Variants in ATXN7L1 observed in about 807,000 individuals in gnomAD.
The protein encoded by ATXN7L1 is ataxin 7 like 1.
In ATXN7L1, 15 loss-of-function variants were observed where a neutral mutation model predicts 70.8. The observed-to-expected ratio is 0.21, with a 90% confidence interval of 0.14 to 0.33. The LOEUF is 0.33. Ranked by LOEUF, ATXN7L1 falls within the 10% of genes least tolerant of loss-of-function variation. The pLI, the probability that ATXN7L1 is intolerant of heterozygous loss-of-function variation, is 1.00. For synonymous variants in ATXN7L1, 440 were observed against 445.1 expected (o/e 0.99, Z 0.14); for missense variants, 975 against 1,097.1 (o/e 0.89, Z 1.57).
rs1187095757 is a variant in ATXN7L1 at position 105,606,897 on chromosome 7, T to A, written c.*955A>T. The A allele has an allele frequency of 6.6e-6, 1 of 152,244 alleles. No homozygotes were observed. Among genetic ancestry groups the A allele is most frequent in the Admixed American group, 6.5e-5 (1 of 15,280 alleles). The allele number at this position is 152,244 out of a possible 1,614,324, so 9.4% of individuals were successfully genotyped here. On this transcript the variant is annotated 3_prime_UTR_variant, in exon 12 of 12. Transcript: ENST00000419735. Reference sequence around the variant, plus strand: ...AGGCAGCCTAAGAACCTTTAGCAGCTGTGGTCACCGTGCCTCCTCATGGAG... The same window carrying A: ...AGGCAGCCTAAGAACCTTTAGCAGCAGTGGTCACCGTGCCTCCTCATGGAG...
chr7:105,722,380 G>A (rs1326059254), intron 3 of ATXN7L1, among the ~76,000 whole-genome samples: 2 of 151,826 alleles, frequency 1.3e-5, no homozygotes, highest in Non-Finnish European at 2.9e-5. Context: ...TGGCCAACAT[G>A]ATGAAACTCT....
At chr7:105,801,380 C>T (rs1806791044) in intron 2 of ATXN7L1, among the ~76,000 whole-genome samples, 1 of 152,186 alleles carries the variant, frequency 6.6e-6, no homozygotes, top group South Asian at 2.1e-4. Flanking sequence ...TAGACCCCAT[C>T]TCAGATCTAG....
At chr7:105,726,638 T>A (rs937921893) in intron 3 of ATXN7L1, among the ~76,000 whole-genome samples, 2 of 152,150 alleles carry the variant, frequency 1.3e-5, no homozygotes, top group East Asian at 3.8e-4. Context: ...GAGTGTCCAG[T>A]ATGGCAAAGG....
chr7:105,607,319 C>A lies in ATXN7L1; in HGVS notation c.*533G>T, dbSNP rs1160909487. 2.0e-5 allele frequency: 3 copies of A among 153,060 alleles called. No homozygotes were observed. Among genetic ancestry groups the A allele is most frequent in the Non-Finnish European group, 4.4e-5 (3 of 68,748 alleles). The allele number at this position is 153,060 out of a possible 1,614,324, so 9.5% of individuals were successfully genotyped here. A position where few individuals can be genotyped will look rare whatever the true frequency, so the allele number is the denominator to read the frequency against. On this transcript the variant is annotated 3_prime_UTR_variant, in exon 12 of 12. Coordinates refer to ENST00000419735, the MANE Select transcript of ATXN7L1 (RefSeq NM_020725.2). ...ACTCCCAGCTCCTCCCCAGCAAAGC[C>A]CCCTCTCCCTGCACACAATCCTGAG...
intron 3 of ATXN7L1, among the ~76,000 whole-genome samples, chr7:105,716,783 G>A (rs920899147): frequency 6.6e-5 from 10 of 151,018 alleles, no homozygotes; most frequent in Non-Finnish European, 1.5e-4. Flanking sequence ...GAGGGGGTGA[G>A]GCAGGAGGAT....
At chr7:105,734,658 G>T (rs1231057187) in intron 3 of ATXN7L1, among the ~76,000 whole-genome samples, 1 of 150,708 alleles carries the variant, frequency 6.6e-6, no homozygotes, top group Non-Finnish European at 1.5e-5. Flanking sequence ...TTTTAACCTG[G>T]CTGGCTTTGG....
intron 4 of ATXN7L1, among the ~76,000 whole-genome samples, chr7:105,652,828 G>T (rs1371305819): frequency 6.6e-6 from 1 of 152,218 alleles, no homozygotes; most frequent in Non-Finnish European, 1.5e-5. Flanking sequence ...ACTTATCAGT[G>T]CTCCAGCTTC....
chr7:105,688,958 TG>T (rs1263280789), intron 3 of ATXN7L1, among the ~76,000 whole-genome samples: 1 of 152,230 alleles, frequency 6.6e-6, no homozygotes, highest in Non-Finnish European at 1.5e-5. Flanking sequence ...ATGTCATGGC[TG>T]TTGTTCCAGA....
chr7:105,719,221 C>A (rs1313093067), intron 3 of ATXN7L1, among the ~76,000 whole-genome samples: 6 of 152,092 alleles, frequency 3.9e-5, no homozygotes. Context: ...GCGCCCATCC[C>A]CCTTCTTCTC....
chr7:105,809,551 A>G (rs1420907998), intron 2 of ATXN7L1, among the ~76,000 whole-genome samples: 11 of 152,224 alleles, frequency 7.2e-5, no homozygotes, highest in Non-Finnish European at 1.6e-4. Flanking sequence ...TTCATTTAGC[A>G]TAGTGTCCTC....
intron 4 of ATXN7L1, among the ~76,000 whole-genome samples, chr7:105,643,684 C>T (rs1584480205): frequency 6.6e-6 from 1 of 152,258 alleles, no homozygotes. Flanking sequence ...ATCACTCTCA[C>T]ATCCTGGGGA....
intron 3 of ATXN7L1, among the ~76,000 whole-genome samples, chr7:105,773,990 G>T (rs1802377135): frequency 1.3e-5 from 2 of 152,132 alleles, no homozygotes; most frequent in Non-Finnish European, 2.9e-5. Flanking sequence ...CACAGAGGAG[G>T]GCAGCTCTGG....
At chr7:105,719,126 G>A (rs1258863047) in intron 3 of ATXN7L1, among the ~76,000 whole-genome samples, 2 of 152,106 alleles carry the variant, frequency 1.3e-5, no homozygotes, top group African/African-American at 2.4e-5. Context: ...AGCAGGAGCC[G>A]AAGAACAGGT....
At chr7:105,813,221 G>C (rs1808687603) in intron 2 of ATXN7L1, among the ~76,000 whole-genome samples, 1 of 152,030 alleles carries the variant, frequency 6.6e-6, no homozygotes, top group Admixed American at 6.6e-5. Flanking sequence ...ATATTTCCTG[G>C]CCTCCCAGCC....
chr7:105,789,772 T>G (rs1235053192), intron 2 of ATXN7L1, among the ~76,000 whole-genome samples: 2 of 151,730 alleles, frequency 1.3e-5, no homozygotes, highest in African/African-American at 4.8e-5. Flanking sequence ...GTACTGGGGC[T>G]TTTTAAGCAA....
Position 105,875,802 on chromosome 7 carries a change from C to T in ATXN7L1, c.250+10G>A. ...CATGCTAACACTAAAATGCCAGTAG[C>T]TCCACTTACCTTCTTTATTAAGCCT... On this transcript the variant is annotated intron_variant, in intron 2 of 11. Transcript: ENST00000419735. 1 of 1,609,022 alleles carries T rather than the reference C, an allele frequency of 6.2e-7. No homozygotes were observed. Among genetic ancestry groups the T allele is most frequent in the Non-Finnish European group, 8.5e-7 (1 of 1,175,468 alleles).
At chr7:105,806,147 G>GT (rs1297648761) in intron 2 of ATXN7L1, among the ~76,000 whole-genome samples, 1 of 152,080 alleles carries the variant, frequency 6.6e-6, no homozygotes, top group Non-Finnish European at 1.5e-5. Flanking sequence ...GGGAATGCAG[G>GT]TTACATGGTG....
intron 4 of ATXN7L1, among the ~76,000 whole-genome samples, chr7:105,662,087 T>TTC (rs1562967799): frequency 1.6e-4 from 12 of 75,856 alleles, no homozygotes; most frequent in Non-Finnish European, 2.1e-4. Context: ...TCCTTCTTTC[T>TTC]TTTCTTTTCT....
chr7:105,692,684 C>T (rs1368831058), intron 3 of ATXN7L1, among the ~76,000 whole-genome samples: 1 of 151,920 alleles, frequency 6.6e-6, no homozygotes, highest in Admixed American at 6.6e-5. Flanking sequence ...TGACCTCAAG[C>T]GATCAACCCG....
Sources: allele counts gnomAD v4.1 joint callset (sites outside exome capture counted in the v4.1 genomes callset), GRCh38; gene constraint gnomAD v4.1.1; transcripts MANE v1.5; gene names NCBI Gene and HGNC (gene_info 2026-07-23, HGNC 2026-07-21).